FAM149A: variants seen among roughly 807,000 people sequenced by gnomAD.
FAM149A encodes the protein family with sequence similarity 149 member A.
Under a neutral mutation model 78.2 loss-of-function variants are expected in FAM149A, and 71 were observed. The ratio of observed to expected loss-of-function variants is 0.91; its 90% CI spans 0.75 to 1.11. FAM149A has a LOEUF of 1.11. Ranked by LOEUF, FAM149A falls within the 50% of genes least tolerant of loss-of-function variation. FAM149A has a pLI of 0.00. For synonymous variants in FAM149A, 446 were observed against 410.5 expected, an observed-to-expected ratio of 1.09 and a Z score of -1.04; for missense variants, 1,036 against 971.0, an observed-to-expected ratio of 1.07 and a Z score of -0.89.
At chr4:186,158,730 T>A (rs894885029) in intron 8 of FAM149A, 36 of 1,038,918 alleles carry the variant, frequency 3.5e-5, no homozygotes, top group South Asian at 1.2e-4. Context: ...GTACCCCCTG[T>A]GCCTATTCAG....
intron 1 of FAM149A, among the ~76,000 whole-genome samples, chr4:186,140,441 C>CTTTT (rs67506672): frequency 3.3e-3 from 342 of 104,994 alleles, no homozygotes; most frequent in African/African-American, 8.6e-3. Context: ...ACACACCTAG[C>CTTTT]TTTTTTTTTT....
At chr4:186,171,693 G>A (rs1197287921) in intron 13 of FAM149A, among the ~76,000 whole-genome samples, 2 of 152,182 alleles carry the variant, frequency 1.3e-5, no homozygotes, top group African/African-American at 2.4e-5. Context: ...TCGGGAGGAC[G>A]CGTGGCCTGC....
chr4:186,174,236 C>T lies in FAM149A; in HGVS notation c.*2249C>T, dbSNP rs1341098855. ...TTTCCTGATCCTCTCCCTCCTTCCA[C>T]CCTCCACCCTTTGATAGGCCCTAGT... On this transcript the variant is annotated 3_prime_UTR_variant, in exon 14 of 14. Coordinates refer to ENST00000389354, the MANE Select transcript of FAM149A (RefSeq NM_001367768.3). Among the ~76,000 whole-genome samples the T allele has an allele frequency of 1.8e-5, 2 of 110,658 alleles. No homozygotes were observed. Among genetic ancestry groups the T allele is most frequent in the African/African-American group, 5.7e-5 (2 of 35,344 alleles). The allele number at this position is 110,658 out of a possible 152,430, so 72.6% of individuals were successfully genotyped here.
At chr4:186,137,308 T>A (rs928201990) in intron 1 of FAM149A, among the ~76,000 whole-genome samples, 1 of 152,038 alleles carries the variant, frequency 6.6e-6, no homozygotes, top group African/African-American at 2.4e-5. Flanking sequence ...AAGGTTTTGT[T>A]CATGTGGTGG....
chr4:186,130,293 C>CTCTCTCTCTCTCTATATA lies in FAM149A; in HGVS notation c.567-18879_567-18878insCTCTCTCTCTCTATATAT. ...TCTCTCTCTCTCTCTCTCTCTCTCTCTATATATATATATATATATATAATC... is the reference window on the plus strand; with the variant it reads ...TCTCTCTCTCTCTCTCTCTCTCTCTCTCTCTCTCTCTCTATATATATATATATATATATATATATAATC... On this transcript the variant is annotated intron_variant, in intron 1 of 13. Coordinates refer to ENST00000389354, the MANE Select transcript of FAM149A (RefSeq NM_001367768.3). The CTCTCTCTCTCTCTATATA allele has an allele frequency of 2.5e-3, 118 of 46,566 alleles. 2 individuals carry two copies. The highest frequency in any genetic ancestry group is 5.3e-3 in the South Asian group (5 of 936). The allele number at this position is 46,566 out of a possible 1,614,324, so 2.9% of individuals were successfully genotyped here.
intron 1 of FAM149A, among the ~76,000 whole-genome samples, chr4:186,121,644 G>A (rs7665411): frequency 2.6e-5 from 4 of 151,880 alleles, no homozygotes; most frequent in African/African-American, 7.3e-5. Flanking sequence ...ATATTCTGAC[G>A]CACACAAACT....
At chr4:186,131,605 A>C (rs1425581556) in intron 1 of FAM149A, among the ~76,000 whole-genome samples, 1 of 152,210 alleles carries the variant, frequency 6.6e-6, no homozygotes, top group Non-Finnish European at 1.5e-5. Context: ...TGGTCTTTTC[A>C]ATAAATAGTG....
At chr4:186,160,332 C>A (rs1448991176) in intron 8 of FAM149A, among the ~76,000 whole-genome samples, 1 of 138,086 alleles carries the variant, frequency 7.2e-6, no homozygotes, top group African/African-American at 2.8e-5. Context: ...CAAACACACA[C>A]CACACACAAA....
At chr4:186,136,967 T>C (rs1247479830) in intron 1 of FAM149A, among the ~76,000 whole-genome samples, 3 of 76,324 alleles carry the variant, frequency 3.9e-5, no homozygotes, top group South Asian at 1.2e-3. Flanking sequence ...TCTCTCTTTC[T>C]CTCTCTCTTT....
At position 186,167,268 on chromosome 4, in the gene FAM149A, CT is replaced by C. The variant is rs1561419498; in HGVS notation, c.2218+10del. The stretch of plus-strand genomic sequence containing the variant: ...AGGTCAAAGTATTTTGACAGGTCAG[CT>C]TTTCTCCATATGTAAATAAAGTGAT... On this transcript the variant is annotated splice_region_variant and intron_variant, in intron 13 of 13. Transcript: ENST00000389354. The C allele has an allele frequency of 1.2e-6, 2 of 1,609,324 alleles. No individual in the cohort carries two copies. The highest frequency in any genetic ancestry group is 1.7e-6 in the Non-Finnish European group (2 of 1,175,774).
intron 1 of FAM149A, among the ~76,000 whole-genome samples, chr4:186,142,186 C>T (rs1046460272): frequency 6.6e-6 from 1 of 152,194 alleles, no homozygotes; most frequent in African/African-American, 2.4e-5. Context: ...TGCTGGAACC[C>T]GCAGTGGCTG....
chr4:186,140,741 C>T (rs1666778048), intron 1 of FAM149A, among the ~76,000 whole-genome samples: 1 of 152,098 alleles, frequency 6.6e-6, no homozygotes, highest in African/African-American at 2.4e-5. Context: ...ATGTACTTTT[C>T]AATTCTCAAT....
At position 186,105,345 on chromosome 4, in the gene FAM149A, C is replaced by T. The variant is rs1003054866; in HGVS notation, c.269C>T (p.Ala90Val). 4.9e-5 allele frequency: 58 copies of T among 1,174,444 alleles called. No individual in the cohort carries two copies. The highest frequency in any genetic ancestry group is 5.8e-5 in the Non-Finnish European group (55 of 942,100). The allele number at this position is 1,174,444 out of a possible 1,614,324, so 72.8% of individuals were successfully genotyped here. A position where few individuals can be genotyped will look rare whatever the true frequency, so the allele number is the denominator to read the frequency against. The change falls in exon 1 of 14, where the codon GCA (alanine) becomes GTA (valine). Residue 90 changes from alanine (A) to valine (V), a missense_variant. Ala to Val is a moderately conservative substitution (Grantham distance 64, BLOSUM62 0). Around this residue, in one of 3 missense-constraint regions of FAM149A, gnomAD observed 316 missense variants for 241.9 expected, o/e 1.31. Coordinates refer to ENST00000389354, the MANE Select transcript of FAM149A (RefSeq NM_001367768.3). Reference sequence around the variant, plus strand: ...TCCGCCGCCAGCCGCGCCGCGGGAGCAGTGGGGACCCTGCTCTCTTGGCCC... The same window carrying T: ...TCCGCCGCCAGCCGCGCCGCGGGAGTAGTGGGGACCCTGCTCTCTTGGCCC...
At position 186,162,810 on chromosome 4, in the gene FAM149A, C is replaced by CTTTTTTTTTT. The variant is rs56973296; in HGVS notation, c.1576-21_1576-12dup. ...GGAACGGCACTGGGCATTTGTAATT[C>CTTTTTTTTTT]TTTTTTTTTTTTTTTTTTTTTTTAC... On this transcript the variant is annotated intron_variant, in intron 8 of 13. Coordinates refer to ENST00000389354, the MANE Select transcript of FAM149A (RefSeq NM_001367768.3). 335 of 563,054 alleles carry CTTTTTTTTTT rather than the reference C, an allele frequency of 5.9e-4. 1 individual carries two copies. The highest frequency in any genetic ancestry group is 1.6e-3 in the South Asian group (84 of 51,642). 34.9% of individuals were successfully genotyped at this position (563,054 alleles called of 1,614,324 possible).
intron 11 of FAM149A, among the ~76,000 whole-genome samples, chr4:186,166,298 C>A (rs180692842): frequency 6.6e-6 from 1 of 152,278 alleles, no homozygotes; most frequent in Non-Finnish European, 1.5e-5. Flanking sequence ...AGCACTGGAA[C>A]CCATTCCCAG....
At chr4:186,156,246 C>G (rs1436602048) in intron 7 of FAM149A, 56 bp downstream of exon 7, 2 of 1,455,092 alleles carry the variant, frequency 1.4e-6, no homozygotes, top group South Asian at 1.3e-5. Flanking sequence ...TTCTTCGGCC[C>G]TGGGCTCCTG....
At position 186,105,136 on chromosome 4, in the gene FAM149A, G is replaced by A. The variant is rs1453005962; in HGVS notation, c.60G>A (p.Thr20=). Reference sequence around the variant, plus strand: ...TGGCCAAACTCTTCGAGACCTCGACGGCGCCCCCCGCAGGCCCCTCCTCCA... The same window carrying A: ...TGGCCAAACTCTTCGAGACCTCGACAGCGCCCCCCGCAGGCCCCTCCTCCA... The change falls in exon 1 of 14, where the codon ACG becomes ACA. Residue 20 remains threonine, a synonymous_variant. Coordinates refer to ENST00000389354, the MANE Select transcript of FAM149A (RefSeq NM_001367768.3). The A allele has an allele frequency of 1.6e-6, 2 of 1,280,406 alleles. No individual in the cohort carries two copies. Among genetic ancestry groups the A allele is most frequent in the African/African-American group, 3.1e-5 (2 of 63,810 alleles). The allele number at this position is 1,280,406 out of a possible 1,614,324, so 79.3% of individuals were successfully genotyped here.
chr4:186,138,026 A>T (rs939351266), intron 1 of FAM149A, among the ~76,000 whole-genome samples: 3 of 152,226 alleles, frequency 2.0e-5, no homozygotes, highest in Admixed American at 6.5e-5. Flanking sequence ...ATTTAAATGT[A>T]TAGAGGAGGT....
chr4:186,107,284 C>T (rs1360409296), intron 1 of FAM149A, among the ~76,000 whole-genome samples: 1 of 152,168 alleles, frequency 6.6e-6, no homozygotes, highest in Admixed American at 6.5e-5. Context: ...AACATATTAG[C>T]TCATGTTTAT....
Sources: allele counts gnomAD v4.1 joint callset (sites outside exome capture counted in the v4.1 genomes callset), GRCh38; gene constraint gnomAD v4.1.1; regional missense constraint gnomAD v4.1.1; transcripts MANE v1.5; gene names NCBI Gene and HGNC (gene_info 2026-07-23, HGNC 2026-07-21).